The following MYH6 variants were observed in gnomAD, a reference collection of about 807,000 sequenced individuals.
The protein encoded by MYH6 is myosin heavy chain 6.
A neutral mutation model predicts 223.2 loss-of-function variants in MYH6; 126 were observed. That is an observed-to-expected ratio of 0.56 (90% CI 0.49 to 0.65). MYH6 has a LOEUF of 0.65. MYH6 is among the 30% of genes least tolerant of loss of function. MYH6 has a pLI of 0.00. For synonymous variants in MYH6, 978 were observed against 1,010.2 expected (o/e 0.97, Z 0.61); for missense variants, 2,040 against 2,536.4 (o/e 0.80, Z 4.20).
In MYH6 at chr14:23,386,721, GAGA is replaced by G; in HGVS notation, c.4651-101_4651-99del. The G allele has an allele frequency of 2.1e-6, 3 of 1,417,086 alleles. No individual in the cohort carries two copies. The South Asian group carries it at 4.0e-5, about 19-fold the overall frequency. The allele number at this position is 1,417,086 out of a possible 1,614,324, so 87.8% of individuals were successfully genotyped here. A position where few individuals can be genotyped will look rare whatever the true frequency, so the allele number is the denominator to read the frequency against. On this transcript the variant is annotated intron_variant, in intron 32 of 38. Transcript: ENST00000405093. ...CGGTGTCAGCCAGGACTATCGCCCAGAGAAGAAGAGCTGAGAAGAGATGGGGAG... is the reference window on the plus strand; with the variant it reads ...CGGTGTCAGCCAGGACTATCGCCCAGAGAAGAGCTGAGAAGAGATGGGGAG...
At position 23,389,708 on chromosome 14, in the gene MYH6, C is replaced by G; in HGVS notation, c.3744G>C (p.Glu1248Asp). The change falls in exon 27 of 39, where the codon GAG (glutamate) becomes GAC (aspartate). Residue 1248 changes from glutamate to aspartate, a missense_variant. Coordinates refer to ENST00000405093, the MANE Select transcript of MYH6 (RefSeq NM_002471.4). ...EQIIKAKANL[E>D]KVSRTLEDQA... The stretch of plus-strand genomic sequence containing the variant: ...GGTCCTCCAGCGTCCGAGACACTTT[C>G]TCCAGGTTTGCCTTCAGGAAGCAAG... The G allele has an allele frequency of 6.2e-7, 1 of 1,614,136 alleles. No individual in the cohort carries two copies. The highest frequency in any genetic ancestry group is 8.5e-7 in the Non-Finnish European group (1 of 1,180,040).
rs573489857 is a variant in MYH6, at chr14:23,407,154, G to T, written c.70C>A (p.Leu24Ile). 3.1e-4 allele frequency: 495 copies of T among 1,614,266 alleles called. 10 individuals carry two copies. The South Asian group carries it at 5.0e-3, about 16-fold the overall frequency. Residue 24 changes from leucine to isoleucine, a missense_variant, in exon 3 of 39, where the codon CTA (leucine) becomes ATA (isoleucine). Physicochemically the swap from Leu to Ile is conservative, Grantham distance 5. Coordinates refer to ENST00000405093, the MANE Select transcript of MYH6 (RefSeq NM_002471.4). This position sits in a 1 kb window ranked among gnomAD's most constrained non-coding sequence, Gnocchi z 5.6. ...TCAAAGGGCCGGGTCTGGGCCTCTA[G>T]ACGCTCCTTCTCTGACTTGCGGAGG... ...QYLRKSEKER[L>I]EAQTRPFDIR...
Position 23,392,555 on chromosome 14 carries a change from A to C in MYH6, c.3342+7T>G, listed in dbSNP as rs1595055357. 6.2e-7 allele frequency: 1 copy of C among 1,606,284 alleles called. No homozygotes were observed. The highest frequency in any genetic ancestry group is 1.3e-5 in the African/African-American group (1 of 74,616). ...TCCCACTTTCATGCACTGGGAAAAA[A>C]AGTCACCTGGTTTTCCTTCAGTTTC... On this transcript the variant is annotated splice_region_variant and intron_variant, in intron 25 of 38. Transcript: ENST00000405093.
rs1185979318 is a variant in MYH6 at position 23,384,896 on chromosome 14, G to A, written c.5289+20C>T. 1.2e-6 allele frequency: 2 copies of A among 1,613,686 alleles called. No individual in the cohort carries two copies. The highest frequency in any genetic ancestry group is 4.5e-5 in the East Asian group (2 of 44,884). Reference sequence around the variant, plus strand: ...CTTGTTTCTGTCTTTAGGGGAGGCGGAAGGTGGGCGGTCACTTACATCCGT... The same window carrying A: ...CTTGTTTCTGTCTTTAGGGGAGGCGAAAGGTGGGCGGTCACTTACATCCGT... On this transcript the variant is annotated intron_variant, in intron 35 of 38. Transcript: ENST00000405093.
At position 23,383,258 on chromosome 14, in the gene MYH6, C is replaced by T. The variant is rs1390751455; in HGVS notation, c.5628G>A (p.Lys1876=). ...CGGCCTGGCGCTTGTAGGCCTTGAC[C>T]TTCAGTTGCAGCTTGTCCACCAGGT... The part of the protein sequence containing the change: ...LQDLVDKLQL[K]VKAYKRQAEE... Residue 1876 remains lysine, a synonymous_variant, in exon 37 of 39, where the codon AAG becomes AAA. Transcript: ENST00000405093. The T allele has an allele frequency of 6.8e-7, 1 of 1,467,500 alleles. No individual in the cohort carries two copies. The highest frequency in any genetic ancestry group is 1.6e-5 in the African/African-American group (1 of 62,886). The allele number at this position is 1,467,500 out of a possible 1,614,324, so 90.9% of individuals were successfully genotyped here.
chr14:23,401,035 C>T lies in MYH6; in HGVS notation c.1142-58G>A, dbSNP rs564215363. ...CCTTTTTTTTTTTTTAAGATAGAGG[C>T]TTGCTCTGTCACCCAGGCTTGAGTG... is the stretch of plus-strand genomic sequence containing the variant. On this transcript the variant is annotated intron_variant, in intron 12 of 38. Coordinates refer to ENST00000405093, the MANE Select transcript of MYH6 (RefSeq NM_002471.4). The T allele has an allele frequency of 1.1e-4, 180 of 1,575,602 alleles. 3 individuals are homozygous for T. The South Asian group carries it at 2.0e-3, about 18-fold the overall frequency.
At chr14:23,403,292 G>A (rs550419645) in intron 10 of MYH6, 56 bp downstream of exon 10, 2 of 1,432,134 alleles carry the variant, frequency 1.4e-6, no homozygotes, top group South Asian at 2.3e-5. Flanking sequence ...GCATGCAGGA[G>A]TCGTTGGGGT....
chr14:23,397,940 C>CTTT lies in MYH6; in HGVS notation c.1892-328_1892-327insAAA, dbSNP rs1566512350. Among the ~76,000 whole-genome samples, 111 of 53,248 alleles carry CTTT rather than the reference C, an allele frequency of 2.1e-3. 2 individuals are homozygous for CTTT. Among genetic ancestry groups the CTTT allele is most frequent in the African/African-American group, 9.0e-3 (108 of 12,060 alleles). The allele number at this position is 53,248 out of a possible 152,430, so 34.9% of individuals were successfully genotyped here. A position where few individuals can be genotyped will look rare whatever the true frequency, so the allele number is the denominator to read the frequency against. On this transcript the variant is annotated intron_variant, in intron 15 of 38. Coordinates refer to ENST00000405093, the MANE Select transcript of MYH6 (RefSeq NM_002471.4). ...TCCTCCTCCTCCTCCTCCTCTTCTT[C>CTTT]TTCTTCTTCTTCTTCTTCTTCTTCT...
intron 10 of MYH6, 128 bp downstream of exon 10, chr14:23,403,220 G>A: frequency 1.2e-6 from 1 of 829,526 alleles, no homozygotes; most frequent in Non-Finnish European, 2.1e-6. Context: ...CGGAGTGAGT[G>A]GAGGGAGAAG....
intron 15 of MYH6, 108 bp from the exon 16 acceptor site, chr14:23,397,721 G>T: frequency 8.8e-7 from 1 of 1,139,580 alleles, no homozygotes; most frequent in Non-Finnish European, 1.3e-6. Flanking sequence ...TTTGGGCAAG[G>T]AATTCTCCAA....
At chr14:23,398,441 T>G (rs1891496218) in intron 15 of MYH6, among the ~76,000 whole-genome samples, 1 of 152,032 alleles carries the variant, frequency 6.6e-6, no homozygotes. Context: ...ACATGCATCG[T>G]TCCCTGCTGG....
intron 24 of MYH6, 63 bp downstream of exon 24, chr14:23,392,849 C>A: frequency 6.2e-7 from 1 of 1,605,498 alleles, no homozygotes; most frequent in Admixed American, 1.7e-5. Flanking sequence ...GCGCAGCACC[C>A]TGCACTCTAT....
chr14:23,398,082 A>G (rs1019125765), intron 15 of MYH6, among the ~76,000 whole-genome samples: 2 of 148,850 alleles, frequency 1.3e-5, no homozygotes, highest in African/African-American at 2.5e-5. Flanking sequence ...CAGTGGTGCA[A>G]TCTTGGCTCA....
chr14:23,402,986 T>G (rs1891655279), intron 10 of MYH6, among the ~76,000 whole-genome samples, 186 bp from the exon 11 acceptor site: 2 of 147,348 alleles, frequency 1.4e-5, no homozygotes, highest in Non-Finnish European at 3.0e-5. Flanking sequence ...CCAGAGGAAG[T>G]GAAAGGGTAG....
chr14:23,393,252 A>G, intron 23 of MYH6, 90 bp downstream of exon 23: 1 of 1,561,102 alleles, frequency 6.4e-7, no homozygotes, highest in Non-Finnish European at 8.8e-7. Context: ...GGGCCATAGA[A>G]GTTAATTCTA....
chr14:23,388,250 G>C lies in MYH6; in HGVS notation c.4264C>G (p.Arg1422Gly). ...KCSSLEKTKH[R>G]LQNEIEDLMV... Reference sequence around the variant, plus strand: ...AAGTCCTCTATCTCATTCTGTAGCCGGTGCTTGGTCTTCTCCAGTGAGGAG... The same window carrying C: ...AAGTCCTCTATCTCATTCTGTAGCCCGTGCTTGGTCTTCTCCAGTGAGGAG... Residue 1422 changes from arginine (R) to glycine (G), a missense_variant, in exon 30 of 39, where the codon CGG (arginine) becomes GGG (glycine). Transcript: ENST00000405093. 1 of 1,612,850 alleles carries C rather than the reference G, an allele frequency of 6.2e-7. No individual in the cohort carries two copies. Among genetic ancestry groups the C allele is most frequent in the South Asian group, 1.1e-5 (1 of 91,030 alleles).
rs770004037 is a variant in MYH6, at chr14:23,393,523, C to T, written c.2929-5G>A. 5.6e-6 allele frequency: 9 copies of T among 1,613,868 alleles called. No homozygotes were observed. Among genetic ancestry groups the T allele is most frequent in the African/African-American group, 4.0e-5 (3 of 74,890 alleles). On this transcript the variant is annotated splice_polypyrimidine_tract_variant and splice_region_variant and intron_variant, in intron 22 of 38. Coordinates refer to ENST00000405093, the MANE Select transcript of MYH6 (RefSeq NM_002471.4). ...CTCCTCTGTTAGGTTCTTCACCTGC[C>T]GACCAAAAACCCATCCCCTTTAGGG...
rs561785217 is a variant in MYH6 at position 23,406,937 on chromosome 14, C to T, written c.201+86G>A. 8.0e-4 allele frequency: 1,168 copies of T among 1,454,904 alleles called. 7 individuals are homozygous for T. The highest frequency in any genetic ancestry group is 6.2e-3 in the South Asian group (542 of 87,178). 90.1% of individuals were successfully genotyped at this position (1,454,904 alleles called of 1,614,324 possible). On this transcript the variant is annotated intron_variant, in intron 3 of 38. Coordinates refer to ENST00000405093, the MANE Select transcript of MYH6 (RefSeq NM_002471.4). Reference sequence around the variant, plus strand: ...CTGGCCTTGGCTTTTCTCCAGCCCTCTCAGCTCCCCCTGCAAGTGGCTCCA... The same window carrying T: ...CTGGCCTTGGCTTTTCTCCAGCCCTTTCAGCTCCCCCTGCAAGTGGCTCCA...
intron 15 of MYH6, among the ~76,000 whole-genome samples, chr14:23,397,971 T>TTCC (rs1891474406): frequency 7.5e-6 from 1 of 133,922 alleles, no homozygotes; most frequent in African/African-American, 2.9e-5. Flanking sequence ...CTTCTTCTTC[T>TTCC]TCTTCTTCTT....
Sources: allele counts gnomAD v4.1 joint callset (sites outside exome capture counted in the v4.1 genomes callset), GRCh38; gene constraint gnomAD v4.1.1; non-coding constraint Gnocchi (gnomAD v3.1); transcripts MANE v1.5; gene names NCBI Gene and HGNC (gene_info 2026-07-23, HGNC 2026-07-21).